The following ZNF512B variants were observed in gnomAD, a reference collection of about 807,000 sequenced individuals.
ZNF512B encodes the protein zinc finger protein 512B.
In ZNF512B, 22 loss-of-function variants were observed where a neutral mutation model predicts 87.8. That is an observed-to-expected ratio of 0.25 (90% CI 0.18 to 0.36). The LOEUF is 0.36. Ranked by LOEUF, ZNF512B falls within the 10% of genes least tolerant of loss-of-function variation. ZNF512B has a pLI of 1.00. For missense variants in ZNF512B, 1,060 were observed against 1,231.6 expected (o/e 0.86, Z 2.09); for synonymous variants, 524 against 490.9 (o/e 1.07, Z -0.89).
rs568942374 is a variant in ZNF512B at position 63,963,325 on chromosome 20, C to T, written c.1797+17G>A. On this transcript the variant is annotated intron_variant, in intron 11 of 16. Transcript: ENST00000369888. ...GCAGGGCCCCCCCACCCCACACTGCCGCGGCCCCCCACTGACCTCCTGGGG... is the reference window on the plus strand; with the variant it reads ...GCAGGGCCCCCCCACCCCACACTGCTGCGGCCCCCCACTGACCTCCTGGGG... 36 of 1,538,340 alleles carry T rather than the reference C, an allele frequency of 2.3e-5. No individual in the cohort carries two copies. The East Asian group carries it at 6.3e-4, about 27-fold the overall frequency.
Position 63,959,858 on chromosome 20 carries a change from T to C in ZNF512B, c.*30A>G. 1.3e-6 allele frequency: 2 copies of C among 1,527,024 alleles called. No homozygotes were observed. The highest frequency in any genetic ancestry group is 1.7e-6 in the Non-Finnish European group (2 of 1,147,168). The allele number at this position is 1,527,024 out of a possible 1,614,324, so 94.6% of individuals were successfully genotyped here. A position where few individuals can be genotyped will look rare whatever the true frequency, so the allele number is the denominator to read the frequency against. ...CTTGAACAGAGGGCGGTGTGGCGGC[T>C]GCATGGGGGCCAGGCCCCACGCACC... On this transcript the variant is annotated 3_prime_UTR_variant, in exon 17 of 17. Transcript: ENST00000369888.
Position 63,963,885 on chromosome 20 carries a change from G to T in ZNF512B, c.1509C>A (p.Ala503=). The change falls in exon 9 of 17, where the codon GCC becomes GCA. Residue 503 remains alanine, a synonymous_variant. Transcript: ENST00000369888. ...AGACGGCTTCCCCGCGCTCATGGAT[G>T]GCCCTCTGCCACTGCTCTTCAGGGC... ...PGGPEEQWQR[A]IHERGEAVCP... 6.2e-7 allele frequency: 1 copy of T among 1,611,822 alleles called. No individual in the cohort carries two copies. Among genetic ancestry groups the T allele is most frequent in the Non-Finnish European group, 8.5e-7 (1 of 1,180,012 alleles).
In ZNF512B at chr20:63,967,867, C is replaced by T. The variant is rs1425358080; in HGVS notation, c.84G>A (p.Glu28=). Residue 28 remains glutamate (E), a synonymous_variant, in exon 2 of 17, where the codon GAG becomes GAA. Transcript: ENST00000369888. Reference sequence around the variant, plus strand: ...GGTCATGCAGCATTGGAAGTCGGACCTCCTTTCGGCTGCCATCCTTCCCGG... The same window carrying T: ...GGTCATGCAGCATTGGAAGTCGGACTTCCTTTCGGCTGCCATCCTTCCCGG... ...SGPGKDGSRK[E]VRLPMLHDPP... is the part of the protein sequence containing the mutation. The T allele has an allele frequency of 2.5e-6, 4 of 1,613,382 alleles. No homozygotes were observed. The highest frequency in any genetic ancestry group is 1.7e-5 in the Admixed American group (1 of 60,002).
At chr20:63,962,412 G>A (rs745558811) in intron 13 of ZNF512B, 38 bp from the exon 14 acceptor site, 2 of 1,588,798 alleles carry the variant, frequency 1.3e-6, no homozygotes, top group Non-Finnish European at 1.7e-6. Flanking sequence ...CCTGAGGCCA[G>A]AAGACACCCC....
At chr20:63,962,977 G>A (rs1359481151) in intron 12 of ZNF512B, 118 bp downstream of exon 12, 27 of 1,348,648 alleles carry the variant, frequency 2.0e-5, no homozygotes, top group Non-Finnish European at 2.5e-5. Context: ...TTACAGAGAG[G>A]GGTGGGAAAC....
intron 1 of ZNF512B, among the ~76,000 whole-genome samples, chr20:63,968,272 G>A (rs1401608704): frequency 5.3e-5 from 8 of 152,226 alleles, no homozygotes; most frequent in Non-Finnish European, 5.9e-5. Flanking sequence ...CACAGTGTGC[G>A]TAGCCCCACA....
rs984203944 is a variant in ZNF512B, at chr20:63,961,643, C to T, written c.2329-236G>A. ...AGTTGCAGACCTTTGCCGAGCATCC[C>T]TTATTGTAAGCCAGTGTGCCATCTG... On this transcript the variant is annotated intron_variant, in intron 15 of 16. Transcript: ENST00000369888. The surrounding 1 kb of genome is among the most constrained non-coding windows in gnomAD (Gnocchi z 6.4). Among the ~76,000 whole-genome samples, 7 of 152,130 alleles carry T rather than the reference C, an allele frequency of 4.6e-5. No homozygotes were observed. Among genetic ancestry groups the T allele is most frequent in the African/African-American group, 1.7e-4 (7 of 41,418 alleles).
chr20:63,969,424 C>T (rs2058958297), intron 1 of ZNF512B, among the ~76,000 whole-genome samples: 4 of 151,618 alleles, frequency 2.6e-5, no homozygotes, highest in Non-Finnish European at 4.4e-5. Flanking sequence ...GCGGGTCCGC[C>T]GCGTAGGCCG....
chr20:63,967,896 C>A lies in ZNF512B; in HGVS notation c.55G>T (p.Gly19Cys). The A allele has an allele frequency of 6.2e-7, 1 of 1,613,228 alleles. No homozygotes were observed. The highest frequency in any genetic ancestry group is 8.5e-7 in the Non-Finnish European group (1 of 1,179,776). The change falls in exon 2 of 17, where the codon GGT becomes TGT. Residue 19 changes from glycine to cysteine, a missense_variant. Gly to Cys is a radical substitution (Grantham distance 159). Transcript: ENST00000369888. ...GRRLPGSSKS[G>C]PGKDGSRKEV... Reference sequence around the variant, plus strand: ...TTTCGGCTGCCATCCTTCCCGGGACCACTCTTGCTGGACCCCGGGAGCCGA... The same window carrying A: ...TTTCGGCTGCCATCCTTCCCGGGACAACTCTTGCTGGACCCCGGGAGCCGA...
In ZNF512B at chr20:63,963,724, A is replaced by C. The variant is rs1158409788; in HGVS notation, c.1606-14T>G. On this transcript the variant is annotated splice_polypyrimidine_tract_variant and intron_variant, in intron 9 of 16. Coordinates refer to ENST00000369888, the MANE Select transcript of ZNF512B (RefSeq NM_020713.3). ...TGCATCCTGAAGCTGCAGATGGCCC[A>C]CATGTGAGAAGCCTGCCTGGGGCCA... 1 of 1,613,194 alleles carries C rather than the reference A, an allele frequency of 6.2e-7. No individual in the cohort carries two copies. Among genetic ancestry groups the C allele is most frequent in the South Asian group, 1.1e-5 (1 of 91,090 alleles).
chr20:63,959,992 T>G lies in ZNF512B; in HGVS notation c.2575A>C (p.Lys859Gln), dbSNP rs780752432. The G allele has an allele frequency of 1.2e-6, 2 of 1,613,156 alleles. No individual in the cohort carries two copies. Among genetic ancestry groups the G allele is most frequent in the South Asian group, 2.2e-5 (2 of 91,090 alleles). Reference sequence around the variant, plus strand: ...CAGTCGTCCCGGCGCGGGGGCAGCTTGGCCACAGGCTCCTCTGGGGTCCGC... The same window carrying G: ...CAGTCGTCCCGGCGCGGGGGCAGCTGGGCCACAGGCTCCTCTGGGGTCCGC... ...KERTPEEPVA[K>Q]LPPRRDDWPP... The change falls in exon 17 of 17, where the codon AAG (lysine) becomes CAG (glutamine). Residue 859 changes from lysine to glutamine, a missense_variant. Transcript: ENST00000369888.
At chr20:63,963,999 G>GC (rs2058890293) in intron 8 of ZNF512B, 72 bp downstream of exon 8, 13 of 1,594,774 alleles carry the variant, frequency 8.2e-6, no homozygotes, top group Non-Finnish European at 1.1e-5. Flanking sequence ...TCCACACTCA[G>GC]CCCCCATCCC....
In ZNF512B at chr20:63,966,717, G is replaced by A; in HGVS notation, c.458C>T (p.Thr153Ile). The change falls in exon 5 of 17, where the codon ACC (threonine) becomes ATC (isoleucine). Residue 153 changes from threonine to isoleucine, a missense_variant. Physicochemically the swap from Thr to Ile is moderately conservative, Grantham distance 89. This residue lies in a region of ZNF512B where 32 missense variants were observed against 68.0 expected (regional missense o/e 0.47). Coordinates refer to ENST00000369888, the MANE Select transcript of ZNF512B (RefSeq NM_020713.3). ...PFCEAAFTSK[T>I]QLEKHRIWNH... ...CCAGATCCGGTGTTTCTCCAGCTGG[G>A]TCTTAGAGGTGAATGCGGCCTCGCA... 3 of 1,608,818 alleles carry A rather than the reference G, an allele frequency of 1.9e-6. No individual in the cohort carries two copies. The highest frequency in any genetic ancestry group is 2.5e-6 in the Non-Finnish European group (3 of 1,177,766).
At position 63,966,599 on chromosome 20, in the gene ZNF512B, G is replaced by A. The variant is rs143583869; in HGVS notation, c.576C>T (p.Ile192=). Residue 192 remains isoleucine (I), a synonymous_variant, in exon 5 of 17, where the codon ATC becomes ATT. Coordinates refer to ENST00000369888, the MANE Select transcript of ZNF512B (RefSeq NM_020713.3). ...ISRPVGVSKP[I]GVSKPVTIGK... is the part of the protein sequence containing the mutation. Reference sequence around the variant, plus strand: ...CAATAGTGACAGGTTTGCTCACTCCGATGGGCTTGCTGACCCCAACAGGCC... The same window carrying A: ...CAATAGTGACAGGTTTGCTCACTCCAATGGGCTTGCTGACCCCAACAGGCC... 46 of 1,613,648 alleles carry A rather than the reference G, an allele frequency of 2.9e-5. No individual in the cohort carries two copies. Among genetic ancestry groups the A allele is most frequent in the Middle Eastern group, 3.3e-4 (2 of 6,062 alleles).
chr20:63,960,487 A>T (rs1466223388), intron 16 of ZNF512B, among the ~76,000 whole-genome samples: 2 of 127,042 alleles, frequency 1.6e-5, no homozygotes, highest in Non-Finnish European at 1.7e-5. Context: ...CACAGCCTTC[A>T]GGACCAGGCA....
intron 3 of ZNF512B, 121 bp from the exon 4 acceptor site, chr20:63,967,125 C>G: frequency 1.4e-6 from 2 of 1,463,642 alleles, no homozygotes; most frequent in South Asian, 1.3e-5. Context: ...GCCCCTCAAC[C>G]TCGGGACTGC....
intron 6 of ZNF512B, 47 bp from the exon 7 acceptor site, chr20:63,964,438 C>T (rs553147836): frequency 6.1e-5 from 99 of 1,613,504 alleles, no homozygotes; most frequent in Non-Finnish European, 7.1e-5. Flanking sequence ...GTGAAATAAC[C>T]GTCAGGAGGC....
intron 7 of ZNF512B, 50 bp from the exon 8 acceptor site, chr20:63,964,267 T>C (rs1422253347): frequency 1.9e-6 from 3 of 1,612,642 alleles, no homozygotes; most frequent in Admixed American, 3.4e-5. Flanking sequence ...TCAGGGGCTG[T>C]CACTCGGTGG....
chr20:63,966,938 C>G lies in ZNF512B; in HGVS notation c.331G>C (p.Gly111Arg). Residue 111 changes from glycine to arginine, a missense_variant, in exon 4 of 17, where the codon GGG becomes CGG. By Grantham distance (125) the Gly-to-Arg change is moderately radical. Around this residue, in one of 9 missense-constraint regions of ZNF512B, gnomAD observed 134 missense variants for 153.6 expected, o/e 0.87. Coordinates refer to ENST00000369888, the MANE Select transcript of ZNF512B (RefSeq NM_020713.3). ...ATGCTGGGGAACTCCAGCCAGCACC[C>G]TGAGTTTGGACACTTCACCCTCGAG... ...AHSRVKCPNSGCWLEFPSIYG... is the reference protein window; with the variant it reads ...AHSRVKCPNSRCWLEFPSIYG... The G allele has an allele frequency of 6.2e-7, 1 of 1,613,850 alleles. No individual in the cohort carries two copies. The highest frequency in any genetic ancestry group is 8.5e-7 in the Non-Finnish European group (1 of 1,180,024).
Sources: gnomAD v4.1 joint callset for allele counts (sites outside exome capture counted in the v4.1 genomes callset) on GRCh38, gnomAD v4.1.1 for gene constraint, gnomAD v4.1.1 regional missense constraint, Gnocchi (gnomAD v3.1) non-coding constraint, MANE v1.5 for transcripts, NCBI Gene and HGNC (gene_info 2026-07-23, HGNC 2026-07-21) for gene names.